The following CYP3A4 variants were observed in gnomAD, a reference collection of about 807,000 sequenced individuals.
CYP3A4 encodes cytochrome P450 family 3 subfamily A member 4, also known as cytochrome P450 3A4.
A neutral mutation model predicts 54.9 loss-of-function variants in CYP3A4; 41 were observed. That is an observed-to-expected ratio of 0.75 (90% confidence interval 0.58 to 0.97). The LOEUF is 0.97. Among genes scored for constraint, CYP3A4 ranks in the 50% least tolerant of loss-of-function variants. The pLI, the probability that CYP3A4 is intolerant of heterozygous loss-of-function variation, is 0.00. For missense variants in CYP3A4, 510 were observed against 597.3 expected, an observed-to-expected ratio of 0.85 and a Z score of 1.52; for synonymous variants, 179 against 205.2, an observed-to-expected ratio of 0.87 and a Z score of 1.09.
chr7:99,775,247 A>G (rs1306431789), intron 3 of CYP3A4, among the ~76,000 whole-genome samples: 8 of 152,210 alleles, frequency 5.3e-5, no homozygotes, highest in African/African-American at 1.2e-4. Context: ...ACTCCATATC[A>G]TGAAAATGGC....
chr7:99,781,976 T>A (rs989828437), intron 1 of CYP3A4, among the ~76,000 whole-genome samples: 1 of 152,236 alleles, frequency 6.6e-6, no homozygotes, highest in African/African-American at 2.4e-5. Context: ...AGGCTCATGT[T>A]TGGGGGACCC....
At chr7:99,765,160 T>C (rs1185213744) in intron 9 of CYP3A4, among the ~76,000 whole-genome samples, 1 of 152,190 alleles carries the variant, frequency 6.6e-6, no homozygotes, top group Non-Finnish European at 1.5e-5. Context: ...AATTGAACTA[T>C]AATCTCAAAG....
At chr7:99,783,923 G>C (rs1206632949) in intron 1 of CYP3A4, 88 bp downstream of exon 1, 3 of 1,451,582 alleles carry the variant, frequency 2.1e-6, no homozygotes, top group Non-Finnish European at 1.9e-6. Flanking sequence ...CATCTTTTTT[G>C]ATCTTCAAAA....
rs1160807897 is a variant in CYP3A4, at chr7:99,767,241, T to C, written c.688A>G (p.Ile230Val). 2 of 1,598,834 alleles carry C rather than the reference T, an allele frequency of 1.3e-6. No homozygotes were observed. The highest frequency in any genetic ancestry group is 1.4e-5 in the African/African-American group (1 of 73,908). The change falls in exon 8 of 13, where the codon ATC (isoleucine) becomes GTC (valine). Residue 230 changes from isoleucine (I) to valine (V), a missense_variant. Around this residue, in one of 2 missense-constraint regions of CYP3A4, gnomAD observed 272 missense variants for 274.9 expected, o/e 0.99. Coordinates refer to ENST00000651514, the MANE Select transcript of CYP3A4 (RefSeq NM_017460.6). ...FLSITVFPFL[I>V]PILEVLNICV... ...ATATTTAATACTTCAAGAATTGGGA[T>C]GAGGAATGGAAAGACTGCTGTAGGA...
chr7:99,763,673 G>A (rs186088314), intron 10 of CYP3A4, among the ~76,000 whole-genome samples, 182 bp downstream of exon 10: 7 of 152,292 alleles, frequency 4.6e-5, no homozygotes, highest in African/African-American at 1.2e-4. Context: ...AAGATCTTAC[G>A]CTTCTGCCAG....
intron 1 of CYP3A4, 188 bp from the exon 2 acceptor site, chr7:99,780,273 GAC>G (rs1815886375): frequency 1.7e-6 from 1 of 598,328 alleles, no homozygotes; most frequent in African/African-American, 1.9e-5. Flanking sequence ...TCCACCATGA[GAC>G]ACCAAAAAGT....
intron 3 of CYP3A4, 53 bp downstream of exon 3, chr7:99,777,975 G>A (rs1349489908): frequency 2.1e-6 from 3 of 1,448,470 alleles, no homozygotes; most frequent in African/African-American, 1.4e-5. Context: ...GTGCAGTGGG[G>A]TAAACTCATC....
Position 99,763,947 on chromosome 7 carries a change from T to C in CYP3A4, c.934A>G (p.Ser312Gly). 1 of 1,613,992 alleles carries C rather than the reference T, an allele frequency of 6.2e-7. No homozygotes were observed. Among genetic ancestry groups the C allele is most frequent in the Non-Finnish European group, 8.5e-7 (1 of 1,179,950 alleles). Residue 312 changes from serine to glycine, a missense_variant, in exon 10 of 13, where the codon AGT (serine) becomes GGT (glycine). Around this residue, in one of 2 missense-constraint regions of CYP3A4, gnomAD observed 238 missense variants for 322.5 expected, o/e 0.74. Coordinates refer to ENST00000651514, the MANE Select transcript of CYP3A4 (RefSeq NM_017460.6). ...TCATACATAATGAAGGAGAGAACAC[T>C]GCTCGTGGTTTCATAGCCAGCAAAA... ...FIFAGYETTS[S>G]VLSFIMYELA...
chr7:99,768,357 T>C lies in CYP3A4; in HGVS notation c.667A>G (p.Ile223Val), dbSNP rs750958612. 1.9e-6 allele frequency: 3 copies of C among 1,613,586 alleles called. No individual in the cohort carries two copies. The highest frequency in any genetic ancestry group is 1.7e-5 in the Admixed American group (1 of 60,004). ...FDFLDPFFLS[I>V]TVFPFLIPIL... is the part of the protein sequence containing the mutation. ...AAGGAAATAGTAGTCCACATACTTA[T>C]TGAGAGAAAGAATGGATCCAAAAAA... The change falls in exon 7 of 13, where the codon ATA (isoleucine) becomes GTA (valine). Residue 223 changes from isoleucine (I) to valine (V), a missense_variant. This residue lies in a region of CYP3A4 where 272 missense variants were observed against 274.9 expected (regional missense o/e 0.99). Coordinates refer to ENST00000651514, the MANE Select transcript of CYP3A4 (RefSeq NM_017460.6).
intron 4 of CYP3A4, among the ~76,000 whole-genome samples, chr7:99,771,914 T>G (rs1815644759): frequency 6.6e-6 from 1 of 152,158 alleles, no homozygotes; most frequent in Admixed American, 6.6e-5. Flanking sequence ...GATCTAAATC[T>G]CATACCTTAT....
At chr7:99,766,235 C>CA in intron 9 of CYP3A4, 142 bp downstream of exon 9, 1 of 1,033,128 alleles carries the variant, frequency 9.7e-7, no homozygotes, top group Non-Finnish European at 1.4e-6. Context: ...GTGCCTCCAA[C>CA]TACCACTTAT....
At position 99,760,988 on chromosome 7, in the gene CYP3A4, C is replaced by T; in HGVS notation, c.1254-7G>A. The T allele has an allele frequency of 6.8e-6, 11 of 1,611,898 alleles. No homozygotes were observed. Among genetic ancestry groups the T allele is most frequent in the Non-Finnish European group, 9.3e-6 (11 of 1,179,070 alleles). ...CTTGTTCTTCTTGCTGAATCTGGTT[C>T]CACGTTGGTAGATTTTTAAAAAGTT... On this transcript the variant is annotated splice_polypyrimidine_tract_variant and splice_region_variant and intron_variant, in intron 11 of 12. Coordinates refer to ENST00000651514, the MANE Select transcript of CYP3A4 (RefSeq NM_017460.6).
At chr7:99,758,548 A>T (rs1815240522) in intron 12 of CYP3A4, among the ~76,000 whole-genome samples, 1 of 152,222 alleles carries the variant, frequency 6.6e-6, no homozygotes, top group South Asian at 2.1e-4. Context: ...GGCCTGAGAC[A>T]AATTCATGGA....
intron 6 of CYP3A4, among the ~76,000 whole-genome samples, chr7:99,768,827 G>A (rs1815549865): frequency 6.6e-6 from 1 of 152,208 alleles, no homozygotes; most frequent in East Asian, 1.9e-4. Flanking sequence ...AGATGGGTAA[G>A]CACTGTGCTT....
chr7:99,782,932 C>T (rs567222881), intron 1 of CYP3A4, among the ~76,000 whole-genome samples: 1 of 152,096 alleles, frequency 6.6e-6, no homozygotes, highest in African/African-American at 2.4e-5. Context: ...ATTTTACACA[C>T]ATTTATTGTA....
intron 3 of CYP3A4, among the ~76,000 whole-genome samples, chr7:99,776,640 A>G (rs148743981): frequency 0.011 from 1,641 of 152,294 alleles, 20 homozygotes; most frequent in Non-Finnish European, 0.015. Context: ...GGAGTTGAAC[A>G]ATGAGAACAC....
chr7:99,764,062 G>A, intron 9 of CYP3A4, 47 bp from the exon 10 acceptor site: 3 of 1,611,922 alleles, frequency 1.9e-6, no homozygotes, highest in Non-Finnish European at 2.5e-6. Context: ...TCAATGTAGG[G>A]CATCACAGTT....
intron 3 of CYP3A4, among the ~76,000 whole-genome samples, chr7:99,774,262 T>C (rs1348342037): frequency 1.3e-5 from 2 of 152,120 alleles, no homozygotes; most frequent in African/African-American, 4.8e-5. Flanking sequence ...CTACCAGAGA[T>C]ACAAAGAGGA....
rs1043569086 is a variant in CYP3A4, at chr7:99,770,173, C to A, written c.381G>T (p.Lys127Asn). 2 of 1,613,820 alleles carry A rather than the reference C, an allele frequency of 1.2e-6. No homozygotes were observed. Among genetic ancestry groups the A allele is most frequent in the East Asian group, 4.5e-5 (2 of 44,872 alleles). Reference sequence around the variant, plus strand: ...TTGGAGACAGCAATGATCGTAATCTCTTCCATTCTTCATCCTCAGCTATAG... The same window carrying A: ...TTGGAGACAGCAATGATCGTAATCTATTCCATTCTTCATCCTCAGCTATAG... Reference protein sequence around the residue: ...AISIAEDEEWKRLRSLLSPTF... With the variant: ...AISIAEDEEWNRLRSLLSPTF... The change falls in exon 5 of 13, where the codon AAG becomes AAT. Residue 127 changes from lysine to asparagine, a missense_variant. Physicochemically the swap from Lys to Asn is moderately conservative, Grantham distance 94. Coordinates refer to ENST00000651514, the MANE Select transcript of CYP3A4 (RefSeq NM_017460.6).
Sources: gnomAD v4.1 joint callset for allele counts (sites outside exome capture counted in the v4.1 genomes callset) on GRCh38, gnomAD v4.1.1 for gene constraint, gnomAD v4.1.1 regional missense constraint, MANE v1.5 for transcripts, NCBI Gene and HGNC (gene_info 2026-07-23, HGNC 2026-07-21) for gene names.